ARHGAP10: variants seen among roughly 807,000 people sequenced by gnomAD.
ARHGAP10 encodes the protein rho GTPase-activating protein 10.
Under a neutral mutation model 108.6 loss-of-function variants are expected in ARHGAP10, and 87 were observed. The observed-to-expected ratio is 0.80, with a 90% CI of 0.67 to 0.96. The LOEUF is 0.96. Among genes scored for constraint, ARHGAP10 ranks in the 40% least tolerant of loss-of-function variants. The pLI, the probability that ARHGAP10 is intolerant of heterozygous loss-of-function variation, is 0.00. For synonymous variants in ARHGAP10, 347 were observed against 341.1 expected (o/e 1.02, Z -0.19); for missense variants, 939 against 954.5 (o/e 0.98, Z 0.21).
chr4:147,992,140 G>C (rs906270787), intron 18 of ARHGAP10, among the ~76,000 whole-genome samples: 1 of 152,178 alleles, frequency 6.6e-6, no homozygotes, highest in Non-Finnish European at 1.5e-5. Flanking sequence ...CTTTCCAGTT[G>C]GTTGATTTCT....
At position 147,791,521 on chromosome 4, in the gene ARHGAP10, CGT is replaced by C. The variant is rs200235578; in HGVS notation, c.155-31194_155-31193del. On this transcript the variant is annotated intron_variant, in intron 1 of 22. Transcript: ENST00000336498. Reference sequence around the variant, plus strand: ...ATAGCATTCCATTGAATGGTTATTCCGTGTGTGTGTGTGCGCGCGCGTGCGTG... The same window carrying C: ...ATAGCATTCCATTGAATGGTTATTCCGTGTGTGTGTGCGCGCGCGTGCGTG... Among the ~76,000 whole-genome samples the C allele has an allele frequency of 6.2e-3, 945 of 151,718 alleles. 13 individuals carry two copies. Among genetic ancestry groups the C allele is most frequent in the East Asian group, 0.036 (184 of 5,160 alleles).
rs190900980 is a variant in ARHGAP10 at position 147,777,169 on chromosome 4, C to G, written c.154+44714C>G. Among the ~76,000 whole-genome samples, 5 of 152,078 alleles carry G rather than the reference C, an allele frequency of 3.3e-5. No homozygotes were observed. In the East Asian group the frequency reaches 9.7e-4, roughly 29 times the overall value. On this transcript the variant is annotated intron_variant, in intron 1 of 22. Coordinates refer to ENST00000336498, the MANE Select transcript of ARHGAP10 (RefSeq NM_024605.4). Reference sequence around the variant, plus strand: ...TTGCGTTTCAGCTATGTATCTCTGGCCTTTTACCATTAGGAAATTTGGTTT... The same window carrying G: ...TTGCGTTTCAGCTATGTATCTCTGGGCTTTTACCATTAGGAAATTTGGTTT...
intron 15 of ARHGAP10, among the ~76,000 whole-genome samples, chr4:147,951,269 T>TA (rs1487860958): frequency 6.6e-6 from 1 of 152,082 alleles, no homozygotes; most frequent in Non-Finnish European, 1.5e-5. Flanking sequence ...TAGCACCCTT[T>TA]AACTTTCCTT....
intron 13 of ARHGAP10, among the ~76,000 whole-genome samples, chr4:147,934,935 G>A (rs1404616632): frequency 6.6e-6 from 1 of 152,194 alleles, no homozygotes; most frequent in East Asian, 1.9e-4. Flanking sequence ...GTGTCAAAAA[G>A]GGGATTTTTA....
intron 22 of ARHGAP10, among the ~76,000 whole-genome samples, chr4:148,070,874 G>A (rs1395708437): frequency 1.3e-5 from 2 of 152,172 alleles, no homozygotes; most frequent in African/African-American, 4.8e-5. Flanking sequence ...GCTCACAGCT[G>A]GGGGTTATGA....
intron 18 of ARHGAP10, among the ~76,000 whole-genome samples, chr4:148,006,131 G>A (rs1740938264): frequency 2.6e-5 from 4 of 152,154 alleles, no homozygotes; most frequent in South Asian, 2.1e-4. Context: ...CTCCTGGAAC[G>A]TTCTTTTCTG....
chr4:147,912,901 G>A (rs1355167965), intron 12 of ARHGAP10, among the ~76,000 whole-genome samples, 173 bp from the exon 13 acceptor site: 1 of 151,800 alleles, frequency 6.6e-6, no homozygotes, highest in Non-Finnish European at 1.5e-5. Context: ...TTCTCCCTGG[G>A]CCTCCCAAAG....
chr4:147,919,417 T>G (rs1737137317), intron 13 of ARHGAP10, among the ~76,000 whole-genome samples: 1 of 152,222 alleles, frequency 6.6e-6, no homozygotes, highest in South Asian at 2.1e-4. Flanking sequence ...CAACTCGTCT[T>G]TCATCCGTTT....
At chr4:147,821,536 G>A (rs560478320) in intron 1 of ARHGAP10, among the ~76,000 whole-genome samples, 6 of 152,218 alleles carry the variant, frequency 3.9e-5, no homozygotes, top group African/African-American at 1.4e-4. Flanking sequence ...CAAACAGCAC[G>A]ATAAACATGA....
chr4:147,743,069 T>G (rs1728755948), intron 1 of ARHGAP10, among the ~76,000 whole-genome samples: 1 of 151,478 alleles, frequency 6.6e-6, no homozygotes, highest in African/African-American at 2.4e-5. Context: ...AGTCTCACTC[T>G]GTCACCCAGG....
At chr4:147,983,039 ACTG>A (rs1313444642) in intron 18 of ARHGAP10, among the ~76,000 whole-genome samples, 3 of 151,730 alleles carry the variant, frequency 2.0e-5, no homozygotes, top group African/African-American at 7.3e-5. Context: ...ATGACCATGC[ACTG>A]CTAAGTTTTT....
At chr4:147,826,348 G>A (rs1192496836) in intron 3 of ARHGAP10, among the ~76,000 whole-genome samples, 4 of 152,214 alleles carry the variant, frequency 2.6e-5, no homozygotes, top group Admixed American at 6.5e-5. Flanking sequence ...GAGGTTGATA[G>A]GGTCTCTGTG....
At chr4:148,025,713 A>T (rs574435569) in intron 19 of ARHGAP10, among the ~76,000 whole-genome samples, 26 of 152,330 alleles carry the variant, frequency 1.7e-4, no homozygotes, top group Non-Finnish European at 2.9e-4. Context: ...TGCCAGAAGA[A>T]GATGTATTCT....
chr4:147,803,408 GTAATTGGGATATC>G (rs1196987338), intron 1 of ARHGAP10, among the ~76,000 whole-genome samples: 1 of 152,202 alleles, frequency 6.6e-6, no homozygotes, highest in Non-Finnish European at 1.5e-5. Context: ...TCAAATCAGG[GTAATTGGGATATC>G]TATTGCCTCA....
chr4:147,849,824 A>C (rs1579114094), intron 4 of ARHGAP10, among the ~76,000 whole-genome samples: 1 of 152,126 alleles, frequency 6.6e-6, no homozygotes, highest in African/African-American at 2.4e-5. Context: ...CTTGAGCCCT[A>C]TCTGTTTGGT....
chr4:148,067,241 A>G (rs1729927213), intron 22 of ARHGAP10, among the ~76,000 whole-genome samples: 2 of 152,190 alleles, frequency 1.3e-5, no homozygotes, highest in South Asian at 4.1e-4. Context: ...TAATAGGAAC[A>G]CTTCTTCAAA....
At chr4:148,060,027 C>T (rs200528538) in intron 20 of ARHGAP10, among the ~76,000 whole-genome samples, 4 of 150,592 alleles carry the variant, frequency 2.7e-5, no homozygotes, top group African/African-American at 9.8e-5. Flanking sequence ...GGGAGAGAGA[C>T]GAGAGAGAGA....
At chr4:147,982,597 C>A (rs1355711918) in intron 18 of ARHGAP10, among the ~76,000 whole-genome samples, 1 of 129,390 alleles carries the variant, frequency 7.7e-6, no homozygotes, top group Non-Finnish European at 1.5e-5. Context: ...GATGGGGTCT[C>A]CCTATGTTGC....
chr4:147,960,601 T>G (rs1321765922), intron 16 of ARHGAP10, among the ~76,000 whole-genome samples: 3 of 152,242 alleles, frequency 2.0e-5, no homozygotes, highest in Non-Finnish European at 2.9e-5. Flanking sequence ...TGAGATTTAT[T>G]ATGGGTAGCT....
Sources: gnomAD v4.1 joint callset for allele counts (sites outside exome capture counted in the v4.1 genomes callset) on GRCh38, gnomAD v4.1.1 for gene constraint, MANE v1.5 for transcripts, NCBI Gene and HGNC (gene_info 2026-07-23, HGNC 2026-07-21) for gene names.